MYH1: variants seen among roughly 807,000 people sequenced by gnomAD.
MYH1 encodes the protein myosin-1.
In MYH1, 214 loss-of-function variants were observed where a neutral mutation model predicts 225.6. The ratio of observed to expected loss-of-function variants is 0.95; its 90% CI spans 0.85 to 1.06. The LOEUF (loss-of-function observed/expected upper bound fraction) is 1.06, where lower values mean the gene tolerates loss of function less well. Among genes scored for constraint, MYH1 ranks in the 50% least tolerant of loss-of-function variants. The probability of loss-of-function intolerance (pLI) is 0.00; values close to 1 mark genes in which losing one functional copy is unlikely to be tolerated. For missense variants in MYH1, 2,098 were observed against 2,344.2 expected (o/e 0.89, Z 2.17); for synonymous variants, 774 against 842.3 (o/e 0.92, Z 1.40).
In MYH1 at chr17:10,501,493, T is replaced by C. The variant is rs1178772466; in HGVS notation, c.3355A>G (p.Ile1119Val). The C allele has an allele frequency of 6.2e-7, 1 of 1,614,202 alleles. No homozygotes were observed. Among genetic ancestry groups the C allele is most frequent in the Non-Finnish European group, 8.5e-7 (1 of 1,180,026 alleles). The part of the protein sequence containing the change: ...QKKIKELQAR[I>V]EELEEEIEAE... ...TCGATTTCCTCCTCCAGCTCCTCAATGCGGGCCTGGGAATGGTGAAAAATA... is the reference window on the plus strand; with the variant it reads ...TCGATTTCCTCCTCCAGCTCCTCAACGCGGGCCTGGGAATGGTGAAAAATA... Residue 1119 changes from isoleucine (I) to valine (V), a missense_variant, in exon 27 of 40, where the codon ATT (isoleucine) becomes GTT (valine). Transcript: ENST00000226207.
At position 10,504,917 on chromosome 17, in the gene MYH1, T is replaced by C. The variant is rs1430838166; in HGVS notation, c.2584A>G (p.Lys862Glu). 6.2e-7 allele frequency: 1 copy of C among 1,614,186 alleles called. No homozygotes were observed. Among genetic ancestry groups the C allele is most frequent in the Admixed American group, 1.7e-5 (1 of 60,022 alleles). The change falls in exon 22 of 40, where the codon AAA becomes GAA. Residue 862 changes from lysine to glutamate, a missense_variant. Physicochemically the swap from Lys to Glu is moderately conservative, Grantham distance 56. Coordinates refer to ENST00000226207, the MANE Select transcript of MYH1 (RefSeq NM_005963.4). ...GTCTTAGCCAGCTCTTCTTTGGTTTTCTCAAATTCTTCCTTCATGTTGGCC... is the reference window on the plus strand; with the variant it reads ...GTCTTAGCCAGCTCTTCTTTGGTTTCCTCAAATTCTTCCTTCATGTTGGCC... Reference protein sequence around the residue: ...EMANMKEEFEKTKEELAKTEA... With the variant: ...EMANMKEEFEETKEELAKTEA...
chr17:10,495,774 A>AAAAAAAAAAAAAAAAAAC (rs2072984878), intron 35 of MYH1, among the ~76,000 whole-genome samples, 176 bp downstream of exon 35: 1 of 149,852 alleles, frequency 6.7e-6, no homozygotes, highest in Non-Finnish European at 1.5e-5. Context: ...AAAAAAAAAA[A>AAAAAAAAAAAAAAAAAAC]AATCAACTAT....
At chr17:10,515,853 CT>C (rs2073220636) in intron 5 of MYH1, 72 bp downstream of exon 5, 7 of 1,608,172 alleles carry the variant, frequency 4.4e-6, no homozygotes, top group Non-Finnish European at 5.1e-6. Flanking sequence ...TTCTAAAGGT[CT>C]TTTTTTAGTT....
rs765175417 is a variant in MYH1, at chr17:10,512,816, C to G, written c.905-32G>C. The G allele has an allele frequency of 1.9e-6, 3 of 1,609,010 alleles. No individual in the cohort carries two copies. In the South Asian group the frequency reaches 3.3e-5, roughly 18 times the overall value. Reference sequence around the variant, plus strand: ...CACAGAATTCAGGGCATATGTTTTACATTAGAAGATAGTACAGTGACAATC... The same window carrying G: ...CACAGAATTCAGGGCATATGTTTTAGATTAGAAGATAGTACAGTGACAATC... On this transcript the variant is annotated intron_variant, in intron 10 of 39. Transcript: ENST00000226207.
chr17:10,494,184 ATCT>A (rs1259671244), intron 39 of MYH1, among the ~76,000 whole-genome samples, 167 bp downstream of exon 39: 1 of 152,142 alleles, frequency 6.6e-6, no homozygotes, highest in African/African-American at 2.4e-5. Flanking sequence ...TCTCTAGAAC[ATCT>A]TCTGCTGGCT....
Position 10,503,795 on chromosome 17 carries a change from C to T in MYH1, c.2692-547G>A, listed in dbSNP as rs562084202. 1.0e-3 allele frequency among the ~76,000 whole-genome samples: 154 copies of T among 152,220 alleles called. 2 individuals carry two copies. In the South Asian group the frequency reaches 0.011, roughly 10 times the overall value. ...TCTCATTCAAACTTACATCCCTGTCCGGGACTTCACCCAATATTTATTAGT... is the reference window on the plus strand; with the variant it reads ...TCTCATTCAAACTTACATCCCTGTCTGGGACTTCACCCAATATTTATTAGT... On this transcript the variant is annotated intron_variant, in intron 22 of 39. Coordinates refer to ENST00000226207, the MANE Select transcript of MYH1 (RefSeq NM_005963.4).
intron 29 of MYH1, 62 bp downstream of exon 29, chr17:10,498,912 T>C: frequency 6.2e-7 from 1 of 1,604,260 alleles, no homozygotes; most frequent in Non-Finnish European, 8.5e-7. Context: ...AGAAAGTCTG[T>C]AAAAGTAAGC....
In MYH1 at chr17:10,499,010, A is replaced by C. The variant is rs919385796; in HGVS notation, c.3948T>G (p.Ile1316Met). ...SRGKQAFTQQ[I>M]EELKRQLEEE... ...CTTCAAGTTGCCTTTTCAGTTCCTC[A>C]ATCTGTTGTGTAAAGGCTTGTTTGC... Residue 1316 changes from isoleucine to methionine, a missense_variant, in exon 29 of 40, where the codon ATT (isoleucine) becomes ATG (methionine). By Grantham distance (10) the Ile-to-Met change is conservative. Transcript: ENST00000226207. The C allele has an allele frequency of 3.1e-6, 5 of 1,614,012 alleles. No individual in the cohort carries two copies. In the Admixed American group the frequency reaches 6.7e-5, roughly 22 times the overall value.
At chr17:10,513,180 A>T (rs1474742499) in intron 9 of MYH1, among the ~76,000 whole-genome samples, 1 of 152,148 alleles carries the variant, frequency 6.6e-6, no homozygotes, top group Non-Finnish European at 1.5e-5. Flanking sequence ...CAAGATATTC[A>T]CTTCTCATAC....
chr17:10,494,501 T>A lies in MYH1; in HGVS notation c.5572-52A>T, dbSNP rs2072966895. On this transcript the variant is annotated intron_variant, in intron 38 of 39. Coordinates refer to ENST00000226207, the MANE Select transcript of MYH1 (RefSeq NM_005963.4). The stretch of plus-strand genomic sequence containing the variant: ...TTCTTGAAAGTACAAATATTACATT[T>A]TGTCATACATATGACTTTTAATCCC... 3 of 1,610,934 alleles carry A rather than the reference T, an allele frequency of 1.9e-6. No homozygotes were observed. In the African/African-American group the frequency reaches 4.0e-5, roughly 22 times the overall value.
intron 31 of MYH1, 76 bp from the exon 32 acceptor site, chr17:10,497,528 TCA>T: frequency 5.2e-6 from 8 of 1,534,514 alleles, no homozygotes; most frequent in Non-Finnish European, 7.0e-6. Flanking sequence ...CTAGCACCTC[TCA>T]GAGTTGAGGT....
intron 2 of MYH1, among the ~76,000 whole-genome samples, chr17:10,517,057 A>G (rs1041755930): frequency 5.9e-5 from 9 of 152,194 alleles, no homozygotes; most frequent in Admixed American, 2.6e-4. Context: ...TTATCTTCCC[A>G]ACTGGATTAT....
intron 6 of MYH1, among the ~76,000 whole-genome samples, 184 bp from the exon 7 acceptor site, chr17:10,514,308 A>G (rs1263162447): frequency 6.6e-6 from 1 of 152,178 alleles, no homozygotes; most frequent in Non-Finnish European, 1.5e-5. Flanking sequence ...GTCATTGTTC[A>G]TTTAACACGT....
intron 28 of MYH1, among the ~76,000 whole-genome samples, chr17:10,500,226 C>T (rs370842653): frequency 3.9e-4 from 59 of 152,076 alleles, no homozygotes; most frequent in African/African-American, 1.3e-3. Flanking sequence ...ACATAGCTTG[C>T]GAAAGCATTT....
At position 10,498,701 on chromosome 17, in the gene MYH1, T is replaced by A. The variant is rs757644677; in HGVS notation, c.4106A>T (p.Asn1369Ile). 8 of 1,614,074 alleles carry A rather than the reference T, an allele frequency of 5.0e-6. No individual in the cohort carries two copies. The highest frequency in any genetic ancestry group is 6.8e-6 in the Non-Finnish European group (8 of 1,179,914). ...GGTCCTCCACTGGGCAACCTCACTG[T>A]TGGCCTTGGACATTGCTCTCTGTAG... is the stretch of plus-strand genomic sequence containing the variant. ...AELQRAMSKA[N>I]SEVAQWRTKY... The change falls in exon 30 of 40, where the codon AAC (asparagine) becomes ATC (isoleucine). Residue 1369 changes from asparagine to isoleucine, a missense_variant. Coordinates refer to ENST00000226207, the MANE Select transcript of MYH1 (RefSeq NM_005963.4).
At position 10,509,786 on chromosome 17, in the gene MYH1, T is replaced by G; in HGVS notation, c.1417-131A>C. ...TTTTGTCCTACCTATACCTACACAA[T>G]GAAGTTTTTGCTGCTGTTAGCATAC... On this transcript the variant is annotated intron_variant, in intron 14 of 39. Coordinates refer to ENST00000226207, the MANE Select transcript of MYH1 (RefSeq NM_005963.4). 1.4e-5 allele frequency: 21 copies of G among 1,495,094 alleles called. No homozygotes were observed. The South Asian group carries it at 2.6e-4, about 18-fold the overall frequency. 92.6% of individuals were successfully genotyped at this position (1,495,094 alleles called of 1,614,324 possible).
chr17:10,496,661 G>T, intron 33 of MYH1, 112 bp from the exon 34 acceptor site: 1 of 1,500,526 alleles, frequency 6.7e-7, no homozygotes, highest in Non-Finnish European at 9.0e-7. Flanking sequence ...TTTCTAAGTA[G>T]TAGTAAGATT....
At chr17:10,497,946 G>A in intron 30 of MYH1, 29 bp from the exon 31 acceptor site, 1 of 1,570,156 alleles carries the variant, frequency 6.4e-7, no homozygotes. Context: ...AAAAGTGAAT[G>A]GCTGTCAACT....
At chr17:10,507,564 A>G (rs935490854) in intron 17 of MYH1, among the ~76,000 whole-genome samples, 1 of 152,088 alleles carries the variant, frequency 6.6e-6, no homozygotes, top group Non-Finnish European at 1.5e-5. Context: ...ACTTAATCCT[A>G]TCCCACTGGA....
Sources: gnomAD v4.1 joint callset for allele counts (sites outside exome capture counted in the v4.1 genomes callset) on GRCh38, gnomAD v4.1.1 for gene constraint, MANE v1.5 for transcripts, NCBI Gene and HGNC (gene_info 2026-07-23, HGNC 2026-07-21) for gene names.